Variants in GABRA3 observed in about 807,000 individuals in gnomAD.
The protein encoded by GABRA3 is gamma-aminobutyric acid type A receptor subunit alpha3.
GABRA3 carries 10 observed loss-of-function variants against 30.1 expected under a neutral mutation model. The ratio of observed to expected loss-of-function variants is 0.33; its 90% CI spans 0.20 to 0.56. The LOEUF (loss-of-function observed/expected upper bound fraction) is 0.56, where lower values mean the gene tolerates loss of function less well. Ranked by LOEUF, GABRA3 falls within the 20% of genes least tolerant of loss-of-function variation. The pLI is 0.89. For synonymous variants in GABRA3, 151 were observed against 146.8 expected, an observed-to-expected ratio of 1.03 and a Z score of -0.21; for missense variants, 233 against 392.0, an observed-to-expected ratio of 0.59 and a Z score of 3.42.
chrX:152,383,091 G>C (rs189479924), intron 1 of GABRA3, among the ~76,000 whole-genome samples: 23 of 109,919 alleles, frequency 2.1e-4, no homozygotes, highest in Admixed American at 2.0e-3. Flanking sequence ...CACATACAAA[G>C]AAAATTACAG....
intron 1 of GABRA3, among the ~76,000 whole-genome samples, chrX:152,433,055 C>T (rs5970307): frequency 0.18 from 19,626 of 110,470 alleles, 1,331 homozygotes; most frequent in East Asian, 0.38. Flanking sequence ...AGCATCTCAA[C>T]AGATGAAGAA....
chrX:152,296,324 G>T (rs1272625501), intron 3 of GABRA3, among the ~76,000 whole-genome samples: 1 of 112,066 alleles, frequency 8.9e-6, no homozygotes, highest in African/African-American at 3.2e-5. Flanking sequence ...CTAAGATCTA[G>T]AGTGCTTTGT....
intron 3 of GABRA3, among the ~76,000 whole-genome samples, chrX:152,316,711 C>T (rs369024529): frequency 7.2e-4 from 81 of 111,922 alleles, no homozygotes; most frequent in African/African-American, 2.5e-3. Flanking sequence ...GCTTCAGCCT[C>T]CTTAAACAAA....
chrX:152,356,764 C>T (rs1940556043), intron 2 of GABRA3, among the ~76,000 whole-genome samples: 1 of 111,315 alleles, frequency 9.0e-6, no homozygotes, highest in African/African-American at 3.3e-5. Context: ...CTCAACTAGG[C>T]CCTGGTGTTT....
intron 5 of GABRA3, among the ~76,000 whole-genome samples, chrX:152,253,245 T>G (rs1310314415): frequency 9.0e-6 from 1 of 111,704 alleles, no homozygotes; most frequent in African/African-American, 3.3e-5. Context: ...TGACATCCAT[T>G]TTCACGTTTC....
At chrX:152,225,720 G>A (rs1937938630) in intron 5 of GABRA3, among the ~76,000 whole-genome samples, 1 of 108,111 alleles carries the variant, frequency 9.2e-6, no homozygotes, top group Non-Finnish European at 1.9e-5. Context: ...CTTTCCTCGG[G>A]TTAGATAGTA....
chrX:152,182,592 C>T (rs868460708), intron 9 of GABRA3, among the ~76,000 whole-genome samples: 196 of 6,970 alleles, frequency 0.028, 1 homozygote, highest in African/African-American at 0.099. Flanking sequence ...AGTGTATATA[C>T]ACACTATATA....
At chrX:152,209,287 G>C (rs1937609256) in intron 6 of GABRA3, among the ~76,000 whole-genome samples, 2 of 111,124 alleles carry the variant, frequency 1.8e-5, no homozygotes, top group Admixed American at 1.9e-4. Flanking sequence ...AAATGAGGTG[G>C]GGTTATTTAA....
chrX:152,357,256 G>A (rs1318359753), intron 2 of GABRA3, among the ~76,000 whole-genome samples: 3 of 111,472 alleles, frequency 2.7e-5, no homozygotes, highest in Admixed American at 9.5e-5. Flanking sequence ...TCTGAGCTCC[G>A]TATTCTGTTC....
At chrX:152,266,759 A>T (rs1238834751) in intron 4 of GABRA3, among the ~76,000 whole-genome samples, 1 of 111,176 alleles carries the variant, frequency 9.0e-6, no homozygotes, top group Admixed American at 9.6e-5. Flanking sequence ...CACTGAAAAA[A>T]AAATATTTTT....
chrX:152,436,627 G>A (rs1423605262), intron 1 of GABRA3, among the ~76,000 whole-genome samples: 1 of 111,711 alleles, frequency 9.0e-6, no homozygotes, highest in Admixed American at 9.5e-5. Flanking sequence ...GTAATTCAAT[G>A]GGCAAAACAT....
intron 4 of GABRA3, among the ~76,000 whole-genome samples, chrX:152,277,180 T>A (rs1026800133): frequency 2.7e-5 from 3 of 110,931 alleles, no homozygotes; most frequent in Non-Finnish European, 3.8e-5. Flanking sequence ...CTTTTTCTAG[T>A]ACTAGAGAGA....
At chrX:152,284,818 T>A in intron 3 of GABRA3, 83 bp from the exon 4 acceptor site, 1 of 627,421 alleles carries the variant, frequency 1.6e-6, no homozygotes, top group Non-Finnish European at 2.4e-6. Context: ...GTACTCTGAA[T>A]GACAGCCAAC....
At chrX:152,417,849 G>A (rs1300760072) in intron 1 of GABRA3, among the ~76,000 whole-genome samples, 13 of 88,371 alleles carry the variant, frequency 1.5e-4, no homozygotes, top group Non-Finnish European at 2.8e-4. Context: ...CACAGGAAGG[G>A]GAATATCACA....
intron 7 of GABRA3, among the ~76,000 whole-genome samples, chrX:152,201,231 A>G (rs922874433): frequency 1.8e-5 from 2 of 111,024 alleles, no homozygotes; most frequent in Non-Finnish European, 1.9e-5. Flanking sequence ...CAAAGAGAGA[A>G]CTGAAACTTT....
At chrX:152,284,383 G>T (rs1387461241) in intron 4 of GABRA3, among the ~76,000 whole-genome samples, 1 of 111,136 alleles carries the variant, frequency 9.0e-6, no homozygotes, top group Admixed American at 9.7e-5. Flanking sequence ...GGAGAAGTCA[G>T]GGAAGCTTTA....
chrX:152,421,709 T>C (rs1457804429), intron 1 of GABRA3, among the ~76,000 whole-genome samples: 2 of 111,425 alleles, frequency 1.8e-5, no homozygotes, highest in African/African-American at 3.3e-5. Context: ...ATGGTGACAA[T>C]TGAATAGACT....
At chrX:152,332,786 A>G (rs1428464267) in intron 3 of GABRA3, among the ~76,000 whole-genome samples, 3 of 112,472 alleles carry the variant, frequency 2.7e-5, no homozygotes, top group Non-Finnish European at 3.8e-5. Context: ...AAGCTGCCTT[A>G]TAATGAGCAG....
intron 9 of GABRA3, among the ~76,000 whole-genome samples, chrX:152,171,203 C>T (rs1193170146): frequency 8.9e-6 from 1 of 112,116 alleles, no homozygotes; most frequent in Non-Finnish European, 1.9e-5. Context: ...TGTTACTTCA[C>T]TTAGCCATCT....
Sources: allele counts gnomAD v4.1 joint callset (sites outside exome capture counted in the v4.1 genomes callset), GRCh38; gene constraint gnomAD v4.1.1; transcripts MANE v1.5; gene names NCBI Gene and HGNC (gene_info 2026-07-23, HGNC 2026-07-21).